Variants in PREX1 observed in about 807,000 individuals in gnomAD.
PREX1 encodes the protein phosphatidylinositol 3,4,5-trisphosphate-dependent Rac exchanger 1 protein.
In PREX1, 41 loss-of-function variants were observed where a neutral mutation model predicts 198.3. The ratio of observed to expected loss-of-function variants is 0.21; its 90% CI spans 0.16 to 0.27. The LOEUF (loss-of-function observed/expected upper bound fraction) is 0.27. Ranked by LOEUF, PREX1 falls within the 10% of genes least tolerant of loss-of-function variation. The pLI is 1.00. For synonymous variants in PREX1, 843 were observed against 887.2 expected (o/e 0.95, Z 0.89); for missense variants, 1,620 against 2,200.7 (o/e 0.74, Z 5.28).
At chr20:48,704,952 G>A (rs2089896050) in intron 6 of PREX1, among the ~76,000 whole-genome samples, 1 of 152,114 alleles carries the variant, frequency 6.6e-6, no homozygotes, top group South Asian at 2.1e-4. Flanking sequence ...CCTCTGAGGA[G>A]GCGCAGCCCA....
At chr20:48,720,860 G>C (rs2089982030) in intron 5 of PREX1, among the ~76,000 whole-genome samples, 1 of 152,120 alleles carries the variant, frequency 6.6e-6, no homozygotes, top group South Asian at 2.1e-4. Context: ...CGCTGCACTT[G>C]GGTGACAGCT....
At chr20:48,700,353 C>T (rs527236423) in intron 7 of PREX1, among the ~76,000 whole-genome samples, 4 of 152,216 alleles carry the variant, frequency 2.6e-5, no homozygotes, top group South Asian at 2.1e-4. Context: ...AACGTACCCA[C>T]GACAAATTTA....
Position 48,707,659 on chromosome 20 carries a change from T to C in PREX1, c.783+601A>G, listed in dbSNP as rs534706879. Among the ~76,000 whole-genome samples, 29 of 152,340 alleles carry C rather than the reference T, an allele frequency of 1.9e-4. No homozygotes were observed. The East Asian group carries it at 5.4e-3, about 28-fold the overall frequency. ...CATTTATTCATATTTTCCCATTTCC[T>C]TCTACGGATTCACAGGAAACCTCTA... On this transcript the variant is annotated intron_variant, in intron 6 of 39. Coordinates refer to ENST00000371941, the MANE Select transcript of PREX1 (RefSeq NM_020820.4).
At chr20:48,879,526 T>G in the PREX1 span, among the ~76,000 whole-genome samples, 2 of 152,186 alleles carry the variant, frequency 1.3e-5, no homozygotes, top group African/African-American at 4.8e-5. Flanking sequence ...ACCTAAAAGG[T>G]TAACACCAGG....
At chr20:48,834,998 A>G in the PREX1 span, among the ~76,000 whole-genome samples, 4,338 of 151,944 alleles carry the variant, frequency 0.029, 211 homozygotes, top group African/African-American at 0.1. Flanking sequence ...CTCAGCTGAC[A>G]CCAGCCTCAG....
At chr20:48,819,814 C>T (rs1885288) in intron 1 of PREX1, among the ~76,000 whole-genome samples, 98 of 152,346 alleles carry the variant, frequency 6.4e-4, no homozygotes, top group Admixed American at 5.4e-3. Context: ...TAGCACAGTG[C>T]CTGGCACACA....
At chr20:48,872,752 CAAAT>C in the PREX1 span, among the ~76,000 whole-genome samples, 109 of 151,964 alleles carry the variant, frequency 7.2e-4, no homozygotes, top group African/African-American at 2.4e-3. Flanking sequence ...TCTCAATAAA[CAAAT>C]AAATAAATAA....
At chr20:48,642,110 C>A (rs956214134) in intron 29 of PREX1, 58 bp downstream of exon 29, 36 of 1,555,414 alleles carry the variant, frequency 2.3e-5, no homozygotes, top group Admixed American at 2.0e-4. Flanking sequence ...GGGTACGCCG[C>A]CCTGTCTAAC....
Position 48,666,463 on chromosome 20 carries a change from A to G in PREX1, c.1666-108T>C. ...CAAGAAGGTAGGCTCCACGAGGGCC[A>G]GGGGTTGTCTGTTTTGTTTACTGCA... is the stretch of plus-strand genomic sequence containing the variant. On this transcript the variant is annotated intron_variant, in intron 14 of 39. Coordinates refer to ENST00000371941, the MANE Select transcript of PREX1 (RefSeq NM_020820.4). This position sits in a 1 kb window ranked among gnomAD's most constrained non-coding sequence, Gnocchi z 4.3. 2 of 876,216 alleles carry G rather than the reference A, an allele frequency of 2.3e-6. No homozygotes were observed. The highest frequency in any genetic ancestry group is 3.6e-6 in the Non-Finnish European group (2 of 553,308). 54.3% of individuals were successfully genotyped at this position (876,216 alleles called of 1,614,324 possible).
intron 3 of PREX1, among the ~76,000 whole-genome samples, chr20:48,738,337 A>G (rs1341621685): frequency 1.3e-5 from 2 of 152,186 alleles, no homozygotes; most frequent in Non-Finnish European, 2.9e-5. Flanking sequence ...GCCCCCTTCT[A>G]CGACAAGGTC....
chr20:48,642,499 G>A lies in PREX1; in HGVS notation c.3602-10C>T, dbSNP rs1414678274. On this transcript the variant is annotated splice_polypyrimidine_tract_variant and intron_variant, in intron 27 of 39. Transcript: ENST00000371941. ...CAGGGCAGCTCATCTCCTGGCAGGA[G>A]GTAGAAGCAGCAGCCATCAGTCATT... 7.5e-6 allele frequency: 12 copies of A among 1,605,344 alleles called. No homozygotes were observed. Among genetic ancestry groups the A allele is most frequent in the Non-Finnish European group, 1.0e-5 (12 of 1,174,056 alleles).
rs527465598 is a variant in PREX1, at chr20:48,631,879, T to G, written c.4526+398A>C. Among the ~76,000 whole-genome samples the G allele has an allele frequency of 2.0e-5, 3 of 152,212 alleles. No individual in the cohort carries two copies. In the South Asian group the frequency reaches 6.2e-4, roughly 32 times the overall value. ...GTTCTCTTCTGAGCAGCCAAGACCC[T>G]GGGAGCCGCACCCCTCACTCACAGG... On this transcript the variant is annotated intron_variant, in intron 35 of 39. Coordinates refer to ENST00000371941, the MANE Select transcript of PREX1 (RefSeq NM_020820.4).
At chr20:48,830,729 C>T (rs894290463), upstream of PREX1, among the ~76,000 whole-genome samples, 2 of 152,202 alleles carry the variant, frequency 1.3e-5, no homozygotes, top group Non-Finnish European at 2.9e-5. Context: ...GATAATACAG[C>T]GTTTAGTAAC....
chr20:48,631,535 G>A (rs988672657), intron 35 of PREX1, among the ~76,000 whole-genome samples: 1 of 152,228 alleles, frequency 6.6e-6, no homozygotes, highest in African/African-American at 2.4e-5. Flanking sequence ...CACAGATGGC[G>A]CAGAACAGAC....
chr20:48,870,774 C>T, the PREX1 span, among the ~76,000 whole-genome samples: 1 of 148,098 alleles, frequency 6.8e-6, no homozygotes, highest in Non-Finnish European at 1.5e-5. Flanking sequence ...ATGGCAAAAC[C>T]CTGTCTCTAC....
At chr20:48,802,324 G>A (rs77107041) in intron 1 of PREX1, among the ~76,000 whole-genome samples, 8,455 of 152,092 alleles carry the variant, frequency 0.056, 307 homozygotes, top group African/African-American at 0.094. Context: ...CCCCCACATG[G>A]TGCTCAGATC....
Position 48,782,023 on chromosome 20 carries a change from A to G in PREX1, c.220-34143T>C, listed in dbSNP as rs139429020. On this transcript the variant is annotated intron_variant, in intron 1 of 39. Transcript: ENST00000371941. The stretch of plus-strand genomic sequence containing the variant: ...TACTATACAAAAATCAGGGGAGCCA[A>G]TGCTCAGGAGATTTGGACTCTGGGA... Among the ~76,000 whole-genome samples the G allele has an allele frequency of 5.9e-5, 9 of 152,334 alleles. No homozygotes were observed. The East Asian group carries it at 1.7e-3, about 29-fold the overall frequency.
rs2089476247 is a variant in PREX1 at position 48,649,501 on chromosome 20, G to T, written c.3104C>A (p.Ala1035Asp). 6.2e-7 allele frequency: 1 copy of T among 1,614,044 alleles called. No homozygotes were observed. Among genetic ancestry groups the T allele is most frequent in the Non-Finnish European group, 8.5e-7 (1 of 1,179,962 alleles). Reference sequence around the variant, plus strand: ...CTGGCCTTGGGGATCACCCTCTGCAGCAGGCAAGCACTTCCAGGAGGGAGC... The same window carrying T: ...CTGGCCTTGGGGATCACCCTCTGCATCAGGCAAGCACTTCCAGGAGGGAGC... ...MAAPSWKCLP[A>D]AEGDPQGQGL... The change falls in exon 25 of 40, where the codon GCT becomes GAT. Residue 1035 changes from alanine to aspartate, a missense_variant. This residue lies in a region of PREX1 where 514 missense variants were observed against 611.6 expected (regional missense o/e 0.84). Coordinates refer to ENST00000371941, the MANE Select transcript of PREX1 (RefSeq NM_020820.4).
intron 25 of PREX1, among the ~76,000 whole-genome samples, chr20:48,648,441 T>C (rs1433315071): frequency 6.6e-6 from 1 of 152,122 alleles, no homozygotes; most frequent in East Asian, 1.9e-4. Context: ...CTGAACATCC[T>C]CCGATGCCCA....
Sources: allele counts gnomAD v4.1 joint callset (sites outside exome capture counted in the v4.1 genomes callset), GRCh38; gene constraint gnomAD v4.1.1; regional missense constraint gnomAD v4.1.1; non-coding constraint Gnocchi (gnomAD v3.1); transcripts MANE v1.5; gene names NCBI Gene and HGNC (gene_info 2026-07-23, HGNC 2026-07-21).